The following PCDHGA1 variants were observed in gnomAD, a reference collection of about 807,000 sequenced individuals.
The protein encoded by PCDHGA1 is protocadherin gamma subfamily A, 1.
A neutral mutation model predicts 58.0 loss-of-function variants in PCDHGA1; 32 were observed. The observed-to-expected ratio is 0.55, with a 90% confidence interval of 0.42 to 0.74. The LOEUF (loss-of-function observed/expected upper bound fraction) is 0.74, where lower values mean the gene tolerates loss of function less well. PCDHGA1 is among the 30% of genes least tolerant of loss of function. PCDHGA1 has a pLI of 0.00. For synonymous variants in PCDHGA1, 498 were observed against 501.1 expected (o/e 0.99, Z 0.08); for missense variants, 1,205 against 1,182.3 (o/e 1.02, Z -0.28).
At chr5:141,364,493 G>C in intron 1 of PCDHGA1, 2 of 1,614,018 alleles carry the variant, frequency 1.2e-6, no homozygotes, top group Non-Finnish European at 1.7e-6. Context: ...CCTTGGGCTG[G>C]AGCCCCAGGA....
At chr5:141,467,167 C>T (rs2099138606) in intron 1 of PCDHGA1, among the ~76,000 whole-genome samples, 1 of 151,832 alleles carries the variant, frequency 6.6e-6, no homozygotes, top group Non-Finnish European at 1.5e-5. Context: ...ATTCTCATCT[C>T]TCAGCCTCCC....
In PCDHGA1 at chr5:141,385,618, A is replaced by C. The variant is rs1174442072; in HGVS notation, c.2421+52513A>C. 7.5e-6 allele frequency: 8 copies of C among 1,062,366 alleles called. No individual in the cohort carries two copies. The East Asian group carries it at 3.6e-4, about 48-fold the overall frequency. The allele number at this position is 1,062,366 out of a possible 1,614,324, so 65.8% of individuals were successfully genotyped here. A position where few individuals can be genotyped will look rare whatever the true frequency, so the allele number is the denominator to read the frequency against. On this transcript the variant is annotated intron_variant, in intron 1 of 3. Coordinates refer to ENST00000517417, the MANE Select transcript of PCDHGA1 (RefSeq NM_018912.3). ...CTTTCTTAACTCATATATTTTATAC[A>C]TTGGAATGAATCGAGTCTTTCATAT...
Position 141,485,778 on chromosome 5 carries a change from G to T in PCDHGA1, c.2422-9029G>T. The T allele has an allele frequency of 6.2e-7, 1 of 1,614,216 alleles. No individual in the cohort carries two copies. Among genetic ancestry groups the T allele is most frequent in the Admixed American group, 1.7e-5 (1 of 60,028 alleles). ...CTGCTCCTGGAGAAGCCTTTGGATC[G>T]AGAGAAGCAATCGGACTACCGCCTG... is the stretch of plus-strand genomic sequence containing the variant. On this transcript the variant is annotated intron_variant, in intron 1 of 3. Coordinates refer to ENST00000517417, the MANE Select transcript of PCDHGA1 (RefSeq NM_018912.3). The surrounding 1 kb of genome is among the most constrained non-coding windows in gnomAD (Gnocchi z 5.7).
At chr5:141,375,777 C>T in intron 1 of PCDHGA1, 1 of 1,614,250 alleles carries the variant, frequency 6.2e-7, no homozygotes, top group African/African-American at 1.3e-5. Flanking sequence ...ATCCTGTACC[C>T]CGCCCTCCCC....
At chr5:141,372,228 A>C (rs755305090) in intron 1 of PCDHGA1, 1 of 1,613,414 alleles carries the variant, frequency 6.2e-7, no homozygotes, top group Non-Finnish European at 8.5e-7. Context: ...TGTGCAGGCC[A>C]GCGAGCCCGG....
chr5:141,425,661 C>A (rs993314865), intron 1 of PCDHGA1, among the ~76,000 whole-genome samples: 5 of 152,184 alleles, frequency 3.3e-5, no homozygotes, highest in Admixed American at 3.3e-4. Context: ...ATTATCTGCA[C>A]ATCAGATTGA....
intron 1 of PCDHGA1, chr5:141,440,642 A>G (rs1351979857): frequency 6.6e-6 from 1 of 152,234 alleles, no homozygotes; most frequent in African/African-American, 2.4e-5. Context: ...AATTCCTTAC[A>G]AAATTATCAC....
At chr5:141,361,233 C>T (rs1266504186) in intron 1 of PCDHGA1, 5 of 1,613,834 alleles carry the variant, frequency 3.1e-6, no homozygotes, top group Non-Finnish European at 4.2e-6. Context: ...GAACAGTGAT[C>T]GCCTTGATAA....
In PCDHGA1 at chr5:141,357,092, C is replaced by T. The variant is rs763316267; in HGVS notation, c.2421+23987C>T. 2.5e-5 allele frequency: 41 copies of T among 1,613,756 alleles called. No homozygotes were observed. In the East Asian group the frequency reaches 9.1e-4, roughly 36 times the overall value. ...ACAGGCGAGGTGCGCACCGCACGGG[C>T]CCTGCTGGACAGAGACGCGCTCAAG... is the stretch of plus-strand genomic sequence containing the variant. On this transcript the variant is annotated intron_variant, in intron 1 of 3. Coordinates refer to ENST00000517417, the MANE Select transcript of PCDHGA1 (RefSeq NM_018912.3).
chr5:141,339,253 G>A, intron 1 of PCDHGA1: 1 of 1,614,254 alleles, frequency 6.2e-7, no homozygotes. Context: ...ACCGGGAGGA[G>A]CTCTGCGCTC....
At chr5:141,352,638 A>G (rs1197774996) in intron 1 of PCDHGA1, 1 of 1,609,254 alleles carries the variant, frequency 6.2e-7, no homozygotes, top group South Asian at 1.1e-5. Flanking sequence ...GAAGATCACA[A>G]AATCGCTTAT....
At chr5:141,346,369 T>G (rs746035914) in intron 1 of PCDHGA1, 16 of 1,614,084 alleles carry the variant, frequency 9.9e-6, no homozygotes, top group Non-Finnish European at 1.2e-5. Context: ...GCGGACACGC[T>G]CATCAGCCAG....
chr5:141,500,184 T>TTTTTTTTATTTA (rs1554186429), intron 2 of PCDHGA1, among the ~76,000 whole-genome samples: 16 of 135,886 alleles, frequency 1.2e-4, no homozygotes, highest in African/African-American at 4.3e-4. Context: ...TCATTTTTAT[T>TTTTTTTTATTTA]TTTATTTATT....
chr5:141,366,199 G>A, intron 1 of PCDHGA1: 3 of 1,613,876 alleles, frequency 1.9e-6, no homozygotes, highest in Non-Finnish European at 2.5e-6. Flanking sequence ...GGCTGCACAC[G>A]GGCGAGGTGC....
At chr5:141,412,001 A>G (rs2095528527) in intron 1 of PCDHGA1, 1 of 151,750 alleles carries the variant, frequency 6.6e-6, no homozygotes, top group Non-Finnish European at 1.5e-5. Flanking sequence ...GCATAGTGAC[A>G]TAAACACTTC....
intron 1 of PCDHGA1, chr5:141,361,515 C>A: frequency 6.2e-7 from 1 of 1,614,040 alleles, no homozygotes; most frequent in South Asian, 1.1e-5. Context: ...ACATGGTTCA[C>A]GTGGCAGAGA....
intron 1 of PCDHGA1, among the ~76,000 whole-genome samples, chr5:141,335,467 G>A (rs1453010769): frequency 6.6e-6 from 1 of 152,092 alleles, no homozygotes; most frequent in African/African-American, 2.4e-5. Context: ...AAGAGCAGAT[G>A]ATCAAAAGGA....
chr5:141,392,622 A>ACTCACAT, intron 1 of PCDHGA1: 1 of 558,650 alleles, frequency 1.8e-6, no homozygotes, highest in Non-Finnish European at 3.0e-6. Context: ...AACCGAAAAC[A>ACTCACAT]CTCAGATCTC....
At chr5:141,413,229 C>A in intron 1 of PCDHGA1, 1 of 1,613,914 alleles carries the variant, frequency 6.2e-7, no homozygotes, top group South Asian at 1.1e-5. Context: ...GCGGGCTGGT[C>A]CTGCTCTGCC....
Sources: gnomAD v4.1 joint callset for allele counts (sites outside exome capture counted in the v4.1 genomes callset) on GRCh38, gnomAD v4.1.1 for gene constraint, Gnocchi (gnomAD v3.1) non-coding constraint, MANE v1.5 for transcripts, NCBI Gene and HGNC (gene_info 2026-07-23, HGNC 2026-07-21) for gene names.